The following KDM4C variants were observed in gnomAD, a reference collection of about 807,000 sequenced individuals.
KDM4C encodes the protein lysine demethylase 4C, also known as lysine-specific demethylase 4C.
Under a neutral mutation model 129.3 loss-of-function variants are expected in KDM4C, and 81 were observed. That is an observed-to-expected ratio of 0.63 (90% confidence interval 0.52 to 0.75). The LOEUF is 0.75. KDM4C is among the 30% of genes least tolerant of loss of function. The pLI, the probability that KDM4C is intolerant of heterozygous loss-of-function variation, is 0.00. For synonymous variants in KDM4C, 573 were observed against 456.1 expected (o/e 1.26, Z -3.26); for missense variants, 1,457 against 1,304.0 (o/e 1.12, Z -1.81).
rs1831595865 is a variant in KDM4C at position 7,061,072 on chromosome 9, C to T, written c.2424+11872C>T. ...GCCTGTATTTACTTTGTTTTTTAGTCTCAAGCATGACCTATGACACCTTAT... is the reference window on the plus strand; with the variant it reads ...GCCTGTATTTACTTTGTTTTTTAGTTTCAAGCATGACCTATGACACCTTAT... On this transcript the variant is annotated intron_variant, in intron 17 of 21. Transcript: ENST00000381309. 2.0e-5 allele frequency among the ~76,000 whole-genome samples: 3 copies of T among 152,220 alleles called. No homozygotes were observed. In the South Asian group the frequency reaches 6.2e-4, roughly 32 times the overall value.
At chr9:7,084,001 G>A (rs1417901089) in intron 17 of KDM4C, among the ~76,000 whole-genome samples, 1 of 152,102 alleles carries the variant, frequency 6.6e-6, no homozygotes, top group African/African-American at 2.4e-5. Context: ...TATCATCTTT[G>A]GATCCTTGTA....
intron 9 of KDM4C, chr9:6,982,338 C>T (rs1442072363): frequency 1.3e-5 from 2 of 152,074 alleles, no homozygotes; most frequent in Non-Finnish European, 2.9e-5. Flanking sequence ...GCAGAACTAA[C>T]TCAGGTGTTG....
intron 8 of KDM4C, among the ~76,000 whole-genome samples, chr9:6,908,953 G>C (rs1818804384): frequency 6.6e-6 from 1 of 152,126 alleles, no homozygotes; most frequent in African/African-American, 2.4e-5. Flanking sequence ...ACGAGGTATT[G>C]ATATTTATTA....
At chr9:7,127,499 A>T (rs1341665953) in intron 18 of KDM4C, among the ~76,000 whole-genome samples, 2 of 152,216 alleles carry the variant, frequency 1.3e-5, no homozygotes, top group Non-Finnish European at 2.9e-5. Context: ...AAGCAGGAAG[A>T]GGAAGAATTG....
intron 17 of KDM4C, among the ~76,000 whole-genome samples, chr9:7,091,043 C>A (rs1032641063): frequency 1.3e-5 from 2 of 152,102 alleles, no homozygotes; most frequent in Admixed American, 6.5e-5. Flanking sequence ...CATTATAAAG[C>A]CTAAAATTTG....
intron 18 of KDM4C, among the ~76,000 whole-genome samples, chr9:7,108,714 T>C (rs1336466916): frequency 2.0e-5 from 3 of 152,116 alleles, no homozygotes; most frequent in Non-Finnish European, 4.4e-5. Flanking sequence ...ATATAACTAA[T>C]CTTGGGGTGA....
intron 17 of KDM4C, among the ~76,000 whole-genome samples, chr9:7,088,431 C>A (rs995922062): frequency 2.0e-5 from 3 of 152,102 alleles, no homozygotes; most frequent in Admixed American, 1.3e-4. Context: ...TAGTATTGAC[C>A]CACAATCTGC....
chr9:7,129,040 C>T (rs75819305), intron 19 of KDM4C, among the ~76,000 whole-genome samples: 3,457 of 152,170 alleles, frequency 0.023, 108 homozygotes, highest in African/African-American at 0.078. Context: ...GGTGCTGATC[C>T]TGTTATCCCT....
intron 1 of KDM4C, among the ~76,000 whole-genome samples, chr9:6,791,692 A>G (rs1826658950): frequency 6.6e-6 from 1 of 151,992 alleles, no homozygotes; most frequent in Admixed American, 6.6e-5. Flanking sequence ...ACTGGTATAT[A>G]GAAGCAACAT....
chr9:7,117,626 TACACACACACACACACACACACAC>T lies in KDM4C; in HGVS notation c.2611-10421_2611-10398del, dbSNP rs71315578. 4.8e-5 allele frequency among the ~76,000 whole-genome samples: 7 copies of T among 147,022 alleles called. No individual in the cohort carries two copies. The East Asian group carries it at 1.2e-3, about 25-fold the overall frequency. Reference sequence around the variant, plus strand: ...ATTTTAGAATCATCTTGTTAATTTCTACACACACACACACACACACACACACACACACACACACACACTGCTGTT... The same window carrying T: ...ATTTTAGAATCATCTTGTTAATTTCTACACACACACACACACACTGCTGTT... On this transcript the variant is annotated intron_variant, in intron 18 of 21. Coordinates refer to ENST00000381309, the MANE Select transcript of KDM4C (RefSeq NM_015061.6).
intron 8 of KDM4C, among the ~76,000 whole-genome samples, chr9:6,964,379 G>C (rs1041299818): frequency 6.6e-5 from 10 of 152,024 alleles, no homozygotes; most frequent in African/African-American, 2.2e-4. Flanking sequence ...TGAGAATGAT[G>C]GTTTCCAGCT....
intron 5 of KDM4C, among the ~76,000 whole-genome samples, chr9:6,876,641 T>A (rs745586159): frequency 1.3e-5 from 2 of 152,190 alleles, no homozygotes; most frequent in African/African-American, 4.8e-5. Context: ...TTGCTGCAGT[T>A]GCCCATCAAA....
chr9:6,940,837 T>C (rs1222510986), intron 8 of KDM4C, among the ~76,000 whole-genome samples: 2 of 152,216 alleles, frequency 1.3e-5, no homozygotes, highest in Non-Finnish European at 2.9e-5. Flanking sequence ...TTCTAAAATA[T>C]ATGCTCTCTG....
intron 17 of KDM4C, among the ~76,000 whole-genome samples, chr9:7,050,115 C>G (rs369566511): frequency 6.6e-6 from 1 of 152,052 alleles, no homozygotes; most frequent in Non-Finnish European, 1.5e-5. Flanking sequence ...CTTATAGGAA[C>G]TCACAGTCTA....
chr9:6,753,865 A>ATT (rs1818154994), upstream of KDM4C, among the ~76,000 whole-genome samples: 1 of 142,636 alleles, frequency 7.0e-6, no homozygotes, highest in South Asian at 2.2e-4. Context: ...CTATCATTGA[A>ATT]TTCTTTTTTT....
At position 6,986,433 on chromosome 9, in the gene KDM4C, A is replaced by C; in HGVS notation, c.1444A>C (p.Ser482Arg). The C allele has an allele frequency of 6.2e-7, 1 of 1,614,034 alleles. No individual in the cohort carries two copies. Among genetic ancestry groups the C allele is most frequent in the Non-Finnish European group, 8.5e-7 (1 of 1,179,876 alleles). The change falls in exon 11 of 22, where the codon AGT becomes CGT. Residue 482 changes from serine to arginine, a missense_variant. By Grantham distance (110) the Ser-to-Arg change is moderately radical. Coordinates refer to ENST00000381309, the MANE Select transcript of KDM4C (RefSeq NM_015061.6). ...YAYRSVPSIS[S>R]EADDSIPLSS... ...ATATAGAAGTGTACCTTCTATATCC[A>C]GTGAGGCTGATGATTCCATTCCATT...
At chr9:6,954,907 A>G (rs899877511) in intron 8 of KDM4C, among the ~76,000 whole-genome samples, 2 of 152,264 alleles carry the variant, frequency 1.3e-5, no homozygotes, top group South Asian at 2.1e-4. Context: ...CAAATTGGGA[A>G]TTAAAGGCCA....
At chr9:6,834,386 G>A (rs984093092) in intron 4 of KDM4C, 6 of 355,948 alleles carry the variant, frequency 1.7e-5, no homozygotes, top group East Asian at 6.9e-5. Flanking sequence ...CCAAGACCAC[G>A]TCCGCCCCGT....
chr9:7,043,240 A>G (rs764374970), intron 15 of KDM4C, among the ~76,000 whole-genome samples: 15 of 152,130 alleles, frequency 9.9e-5, no homozygotes, highest in Non-Finnish European at 1.6e-4. Flanking sequence ...TTTATTCTTG[A>G]TATCAAGTTT....
Sources: allele counts gnomAD v4.1 joint callset (sites outside exome capture counted in the v4.1 genomes callset), GRCh38; gene constraint gnomAD v4.1.1; transcripts MANE v1.5; gene names NCBI Gene and HGNC (gene_info 2026-07-23, HGNC 2026-07-21).